Variants in PID1 observed in about 807,000 individuals in gnomAD.
PID1 encodes phosphotyrosine interaction domain containing 1.
In PID1, 10 loss-of-function variants were observed where a neutral mutation model predicts 19.1. That is an observed-to-expected ratio of 0.52 (90% CI 0.32 to 0.89). PID1 has a LOEUF of 0.89. Ranked by LOEUF, PID1 falls within the 40% of genes least tolerant of loss-of-function variation. The pLI, the probability that PID1 is intolerant of heterozygous loss-of-function variation, is 0.03. For synonymous variants in PID1, 130 were observed against 116.0 expected (o/e 1.12, Z -0.78); for missense variants, 248 against 285.3 (o/e 0.87, Z 0.94).
In PID1 at chr2:229,025,327, G is replaced by A; in HGVS notation, c.*305C>T. 2.9e-6 allele frequency: 1 copy of A among 348,164 alleles called. No individual in the cohort carries two copies. Among genetic ancestry groups the A allele is most frequent in the Non-Finnish European group, 5.4e-6 (1 of 186,584 alleles). The allele number at this position is 348,164 out of a possible 1,614,324, so 21.6% of individuals were successfully genotyped here. ...TGCAGAGTATTTGCCTGAGCGTGGT[G>A]AAAACTGGCATGGAGCTCTCCCACA... On this transcript the variant is annotated 3_prime_UTR_variant, in exon 3 of 3. Transcript: ENST00000392055.
intron 2 of PID1, among the ~76,000 whole-genome samples, chr2:229,033,367 G>C (rs909661582): frequency 7.2e-5 from 11 of 152,154 alleles, no homozygotes; most frequent in African/African-American, 2.7e-4. Context: ...GACAAGCCAA[G>C]AATAAAGACC....
At chr2:229,044,233 C>T (rs1693829748) in intron 2 of PID1, among the ~76,000 whole-genome samples, 4 of 152,064 alleles carry the variant, frequency 2.6e-5, no homozygotes, top group Admixed American at 2.6e-4. Flanking sequence ...TGCTTTCCCC[C>T]ATCACCTGAC....
rs1460545853 is a variant in PID1, at chr2:229,206,427, T to C, written c.31-50463A>G. On this transcript the variant is annotated intron_variant, in intron 1 of 2. Coordinates refer to ENST00000392055, the MANE Select transcript of PID1 (RefSeq NM_001100818.2). ...AATGTATAAGAAAGTAAGAAACTCA[T>C]TTAAGTGAAATAGACTCTATGGCCT... is the stretch of plus-strand genomic sequence containing the variant. Among the ~76,000 whole-genome samples the C allele has an allele frequency of 4.6e-5, 7 of 152,278 alleles. No individual in the cohort carries two copies. In the East Asian group the frequency reaches 1.4e-3, roughly 29 times the overall value.
At chr2:229,060,263 T>A (rs1694185028) in intron 2 of PID1, among the ~76,000 whole-genome samples, 1 of 152,064 alleles carries the variant, frequency 6.6e-6, no homozygotes, top group South Asian at 2.1e-4. Flanking sequence ...TTGATGAATG[T>A]CTCCCCATTC....
At chr2:229,062,545 T>A (rs1017529820) in intron 2 of PID1, among the ~76,000 whole-genome samples, 3 of 151,882 alleles carry the variant, frequency 2.0e-5, no homozygotes, top group Admixed American at 1.3e-4. Flanking sequence ...GAGATACTGA[T>A]CCATTATTTT....
At chr2:229,156,388 T>C (rs1690374030) in intron 1 of PID1, among the ~76,000 whole-genome samples, 1 of 152,222 alleles carries the variant, frequency 6.6e-6, no homozygotes, top group Non-Finnish European at 1.5e-5. Flanking sequence ...TACACAAGAC[T>C]TCTGTTCTCT....
intron 1 of PID1, among the ~76,000 whole-genome samples, chr2:229,259,141 G>T (rs1195023720): frequency 6.8e-6 from 1 of 146,240 alleles, no homozygotes; most frequent in Non-Finnish European, 1.5e-5. Context: ...AATGACTAAT[G>T]ACATTGAACA....
rs561791180 is a variant in PID1 at position 229,094,978 on chromosome 2, A to G, written c.177+60840T>C. 1.7e-4 allele frequency among the ~76,000 whole-genome samples: 26 copies of G among 152,304 alleles called. No homozygotes were observed. In the South Asian group the frequency reaches 5.2e-3, roughly 30 times the overall value. On this transcript the variant is annotated intron_variant, in intron 2 of 2. Transcript: ENST00000392055. ...ATACGTTACATGTATTATCCCCACC[A>G]CACTCTAATAACAGATAGCGTGAGC... is the stretch of plus-strand genomic sequence containing the variant.
chr2:229,215,534 A>G (rs956911293), intron 1 of PID1, among the ~76,000 whole-genome samples: 2 of 152,164 alleles, frequency 1.3e-5, no homozygotes, highest in African/African-American at 4.8e-5. Flanking sequence ...TATTCTCACA[A>G]TTCCCCTTGA....
At chr2:229,111,968 C>A (rs939310610) in intron 2 of PID1, among the ~76,000 whole-genome samples, 3 of 152,172 alleles carry the variant, frequency 2.0e-5, no homozygotes, top group African/African-American at 7.2e-5. Context: ...AGATGAATAT[C>A]CTGTCTGAAT....
At chr2:229,090,516 G>C (rs1297217012) in intron 2 of PID1, among the ~76,000 whole-genome samples, 1 of 152,154 alleles carries the variant, frequency 6.6e-6, no homozygotes, top group Non-Finnish European at 1.5e-5. Context: ...GTGGCTTGTA[G>C]CTTCCAACTT....
At chr2:229,130,419 CT>C (rs1197613541) in intron 2 of PID1, among the ~76,000 whole-genome samples, 2 of 152,116 alleles carry the variant, frequency 1.3e-5, no homozygotes, top group Admixed American at 1.3e-4. Context: ...TCTGAGTTTA[CT>C]TTTTTAAAGA....
At chr2:229,097,353 T>A (rs761062890) in intron 2 of PID1, among the ~76,000 whole-genome samples, 26 of 152,166 alleles carry the variant, frequency 1.7e-4, no homozygotes, top group Non-Finnish European at 1.8e-4. Context: ...TAAATCAGGG[T>A]CCAGAATATT....
At chr2:229,256,803 G>T (rs748275053) in intron 1 of PID1, among the ~76,000 whole-genome samples, 2 of 152,206 alleles carry the variant, frequency 1.3e-5, no homozygotes, top group Non-Finnish European at 2.9e-5. Context: ...ACTAAGCTAC[G>T]CTCTTTGTAG....
At chr2:229,122,419 G>T (rs1251724861) in intron 2 of PID1, among the ~76,000 whole-genome samples, 2 of 152,164 alleles carry the variant, frequency 1.3e-5, no homozygotes, top group Non-Finnish European at 2.9e-5. Context: ...ATAGCTGAAT[G>T]ATTTGCCCCT....
intron 1 of PID1, among the ~76,000 whole-genome samples, chr2:229,219,941 A>G (rs765330014): frequency 2.0e-5 from 3 of 152,184 alleles, no homozygotes; most frequent in Non-Finnish European, 4.4e-5. Context: ...AAGAATAAAA[A>G]TGTGGGAACA....
chr2:229,261,805 G>A (rs1182329184), intron 1 of PID1, among the ~76,000 whole-genome samples: 6 of 152,040 alleles, frequency 3.9e-5, no homozygotes, highest in Non-Finnish European at 5.9e-5. Flanking sequence ...CCCTGCCTTC[G>A]TCTCAGAGGG....
intron 2 of PID1, among the ~76,000 whole-genome samples, chr2:229,042,419 G>C (rs1487522802): frequency 6.6e-6 from 1 of 152,118 alleles, no homozygotes; most frequent in Non-Finnish European, 1.5e-5. Context: ...AGTTGACTAA[G>C]CAATGTTCAT....
chr2:229,107,172 C>T (rs981516882), intron 2 of PID1, among the ~76,000 whole-genome samples: 2 of 152,134 alleles, frequency 1.3e-5, no homozygotes, highest in East Asian at 3.9e-4. Flanking sequence ...CCCATAGAGC[C>T]TTCTTGGGGA....
Sources: gnomAD v4.1 joint callset for allele counts (sites outside exome capture counted in the v4.1 genomes callset) on GRCh38, gnomAD v4.1.1 for gene constraint, MANE v1.5 for transcripts, NCBI Gene and HGNC (gene_info 2026-07-23, HGNC 2026-07-21) for gene names.